Variants in SPECC1 observed in about 807,000 individuals in gnomAD.
The protein encoded by SPECC1 is sperm antigen with calponin homology and coiled-coil domains 1, also known as cytospin-B.
In SPECC1, 62 loss-of-function variants were observed where a neutral mutation model predicts 104.1. That is an observed-to-expected ratio of 0.60 (90% confidence interval 0.49 to 0.74). The LOEUF is 0.74. Among genes scored for constraint, SPECC1 ranks in the 30% least tolerant of loss-of-function variants. The pLI, the probability that SPECC1 is intolerant of heterozygous loss-of-function variation, is 0.00. For synonymous variants in SPECC1, 513 were observed against 501.6 expected (o/e 1.02, Z -0.30); for missense variants, 1,306 against 1,310.5 (o/e 1.00, Z 0.05).
At chr17:20,161,439 TAGTA>T (rs1212489601) in intron 3 of SPECC1, among the ~76,000 whole-genome samples, 3 of 152,150 alleles carry the variant, frequency 2.0e-5, no homozygotes, top group African/African-American at 4.8e-5. Context: ...TAATTAGTAT[TAGTA>T]AGTCTTCTGT....
chr17:20,157,665 G>T (rs748185531), intron 3 of SPECC1, among the ~76,000 whole-genome samples: 93 of 152,242 alleles, frequency 6.1e-4, no homozygotes, highest in Admixed American at 2.2e-3. Flanking sequence ...AGACTGATTG[G>T]ATGCCTGTGT....
intron 3 of SPECC1, among the ~76,000 whole-genome samples, chr17:20,142,205 G>A (rs2030896947): frequency 6.6e-6 from 1 of 152,092 alleles, no homozygotes; most frequent in Non-Finnish European, 1.5e-5. Flanking sequence ...TTTTGGTAAG[G>A]AAAATTACAT....
rs1159501735 is a variant in SPECC1, at chr17:20,217,279, G to GT, written c.1864-10133dup. ...GTTTTTTTATTGTGTGTGTGTGTGT[G>GT]TGTTTTTTTTTTCTTGTAAATAGCT... On this transcript the variant is annotated intron_variant, in intron 4 of 14. Coordinates refer to ENST00000395527, the MANE Select transcript of SPECC1 (RefSeq NM_001243439.2). Among the ~76,000 whole-genome samples, 1,348 of 135,640 alleles carry GT rather than the reference G, an allele frequency of 9.9e-3. 18 individuals carry two copies. The highest frequency in any genetic ancestry group is 0.027 in the African/African-American group (1,040 of 37,980). The allele number at this position is 135,640 out of a possible 152,430, so 89.0% of individuals were successfully genotyped here. A position where few individuals can be genotyped will look rare whatever the true frequency, so the allele number is the denominator to read the frequency against.
At chr17:20,157,264 G>A (rs1398036665) in intron 3 of SPECC1, among the ~76,000 whole-genome samples, 1 of 151,964 alleles carries the variant, frequency 6.6e-6, no homozygotes. Flanking sequence ...GTGCCTCCCT[G>A]ACACTTGGGG....
At chr17:20,063,967 C>T (rs116300251) in intron 1 of SPECC1, among the ~76,000 whole-genome samples, 143 of 152,268 alleles carry the variant, frequency 9.4e-4, no homozygotes, top group Admixed American at 2.6e-3. Flanking sequence ...CAGGGCAGTT[C>T]GGTTTTTCAG....
chr17:20,056,805 A>G (rs1484211732), intron 1 of SPECC1, among the ~76,000 whole-genome samples: 1 of 152,220 alleles, frequency 6.6e-6, no homozygotes, highest in Non-Finnish European at 1.5e-5. Flanking sequence ...TTATCTTGAA[A>G]TAAAATCCTC....
At chr17:20,278,352 G>T (rs1396466643) in intron 12 of SPECC1, among the ~76,000 whole-genome samples, 1 of 152,176 alleles carries the variant, frequency 6.6e-6, no homozygotes, top group African/African-American at 2.4e-5. Flanking sequence ...AAGAGCAGAG[G>T]CTTAGGTTGA....
intron 3 of SPECC1, among the ~76,000 whole-genome samples, chr17:20,131,432 A>G (rs575779425): frequency 6.6e-6 from 1 of 150,608 alleles, no homozygotes; most frequent in Admixed American, 6.7e-5. Context: ...ACCCACCTTG[A>G]CCTCCCAGAG....
chr17:20,126,803 TG>T (rs780994368), intron 3 of SPECC1, among the ~76,000 whole-genome samples: 12 of 152,386 alleles, frequency 7.9e-5, no homozygotes, highest in Non-Finnish European at 1.5e-4. Context: ...AAAGTTGGCT[TG>T]GGGCTTTGTT....
chr17:20,268,278 A>G (rs184530858), intron 12 of SPECC1, among the ~76,000 whole-genome samples: 6 of 152,250 alleles, frequency 3.9e-5, no homozygotes, highest in Admixed American at 6.5e-5. Flanking sequence ...GCTCAGACCT[A>G]TATCTTCTTC....
intron 12 of SPECC1, among the ~76,000 whole-genome samples, chr17:20,269,470 G>A (rs2040325888): frequency 6.6e-6 from 1 of 152,192 alleles, no homozygotes; most frequent in Non-Finnish European, 1.5e-5. Flanking sequence ...TTGTTGCCCA[G>A]GCTGGAGTGC....
In SPECC1 at chr17:20,205,307, A is replaced by G; in HGVS notation, c.1258A>G (p.Thr420Ala). The G allele has an allele frequency of 1.9e-6, 3 of 1,614,230 alleles. No homozygotes were observed. The highest frequency in any genetic ancestry group is 2.2e-5 in the South Asian group (2 of 91,082). Residue 420 changes from threonine to alanine, a missense_variant, in exon 4 of 15, where the codon ACG becomes GCG. Coordinates refer to ENST00000395527, the MANE Select transcript of SPECC1 (RefSeq NM_001243439.2). ...AENEKLVDEK[T>A]ILETSFHQHR... ...AAATGAGAAGCTGGTGGATGAAAAG[A>G]CGATTTTAGAGACATCCTTTCATCA... is the stretch of plus-strand genomic sequence containing the variant.
At chr17:20,181,001 A>G (rs1372830678) in intron 3 of SPECC1, among the ~76,000 whole-genome samples, 1 of 16,610 alleles carries the variant, frequency 6.0e-5, no homozygotes, top group Non-Finnish European at 8.9e-5. Context: ...ATTAGTGGTA[A>G]AAAAAAAGAG....
intron 7 of SPECC1, chr17:20,239,110 C>G: frequency 9.7e-7 from 1 of 1,026,880 alleles, no homozygotes; most frequent in Non-Finnish European, 1.2e-6. Flanking sequence ...AGTAAAAATG[C>G]TAATTTTGCA....
At chr17:20,059,942 G>C (rs1422740704) in intron 1 of SPECC1, among the ~76,000 whole-genome samples, 2 of 152,204 alleles carry the variant, frequency 1.3e-5, no homozygotes, top group East Asian at 3.8e-4. Context: ...TCGGCAGCAA[G>C]TTGAAATTAT....
intron 10 of SPECC1, 138 bp downstream of exon 10, chr17:20,253,724 C>T (rs988818498): frequency 1.3e-6 from 1 of 797,252 alleles, no homozygotes; most frequent in African/African-American, 1.7e-5. Context: ...GAATAATGTA[C>T]ATATCATGAA....
chr17:20,112,863 C>T, intron 3 of SPECC1: 1 of 1,592,138 alleles, frequency 6.3e-7, no homozygotes, highest in Non-Finnish European at 8.6e-7. Flanking sequence ...CTGGCAGGAA[C>T]TGATTTAGAG....
intron 1 of SPECC1, among the ~76,000 whole-genome samples, chr17:20,026,822 A>T (rs531691954): frequency 6.6e-6 from 1 of 152,288 alleles, no homozygotes; most frequent in Admixed American, 6.5e-5. Context: ...GCTGGATCAT[A>T]TGGTAGTTCT....
At chr17:20,305,766 G>A (rs2041741571) in intron 13 of SPECC1, 1 of 404,470 alleles carries the variant, frequency 2.5e-6, no homozygotes, top group Non-Finnish European at 4.4e-6. Context: ...TGCAAAGTAT[G>A]AATTACCTAA....
Sources: allele counts gnomAD v4.1 joint callset (sites outside exome capture counted in the v4.1 genomes callset), GRCh38; gene constraint gnomAD v4.1.1; transcripts MANE v1.5; gene names NCBI Gene and HGNC (gene_info 2026-07-23, HGNC 2026-07-21).